The following OLFM2 variants were observed in gnomAD, a reference collection of about 807,000 sequenced individuals.
The protein encoded by OLFM2 is olfactomedin 2.
A neutral mutation model predicts 43.9 loss-of-function variants in OLFM2; 20 were observed. The ratio of observed to expected loss-of-function variants is 0.46; its 90% CI spans 0.32 to 0.66. The LOEUF is 0.66. Ranked by LOEUF, OLFM2 falls within the 30% of genes least tolerant of loss-of-function variation. OLFM2 has a pLI of 0.04. For synonymous variants in OLFM2, 268 were observed against 278.6 expected (o/e 0.96, Z 0.38); for missense variants, 416 against 643.6 (o/e 0.65, Z 3.83).
In OLFM2 at chr19:9,857,999, AC is replaced by A; in HGVS notation, c.214-139del. The A allele has an allele frequency of 9.4e-7, 1 of 1,062,222 alleles. No individual in the cohort carries two copies. Among genetic ancestry groups the A allele is most frequent in the Non-Finnish European group, 1.4e-6 (1 of 706,938 alleles). 65.8% of individuals were successfully genotyped at this position (1,062,222 alleles called of 1,614,324 possible). ...GGCCACCTTCTCCTCCCCTGAGCTT[AC>A]CAGCAGCCTCCCAATTGCGTGCCCA... On this transcript the variant is annotated intron_variant, in intron 2 of 5. Transcript: ENST00000264833. This position sits in a 1 kb window ranked among gnomAD's most constrained non-coding sequence, Gnocchi z 5.7.
chr19:9,854,969 G>T lies in OLFM2; in HGVS notation c.688-106C>A, dbSNP rs544720668. The stretch of plus-strand genomic sequence containing the variant: ...TTCAACAGTCACTAAGTGGTCATTA[G>T]TCATGGGAACTCTGTTGACCATTCA... On this transcript the variant is annotated intron_variant, in intron 5 of 5. Transcript: ENST00000264833. This position sits in a 1 kb window ranked among gnomAD's most constrained non-coding sequence, Gnocchi z 9.5. 4.7e-6 allele frequency: 4 copies of T among 842,218 alleles called. No homozygotes were observed. Among genetic ancestry groups the T allele is most frequent in the South Asian group, 1.8e-5 (1 of 55,160 alleles). 52.2% of individuals were successfully genotyped at this position (842,218 alleles called of 1,614,324 possible).
intron 1 of OLFM2, among the ~76,000 whole-genome samples, chr19:9,861,642 G>A (rs554184341): frequency 6.6e-6 from 1 of 152,330 alleles, no homozygotes; most frequent in East Asian, 1.9e-4. Flanking sequence ...GGAAAAGGAT[G>A]CTCTGTGGTC....
intron 1 of OLFM2, among the ~76,000 whole-genome samples, chr19:9,876,990 G>A (rs2145450025): frequency 6.6e-6 from 1 of 152,202 alleles, no homozygotes; most frequent in East Asian, 1.9e-4. Context: ...AACACTTTGG[G>A]AGGTCAAGGG....
At position 9,856,807 on chromosome 19, in the gene OLFM2, C is replaced by T. The variant is rs2145429451; in HGVS notation, c.687G>A (p.Arg229=). 2.5e-6 allele frequency: 4 copies of T among 1,612,516 alleles called. No individual in the cohort carries two copies. Among genetic ancestry groups the T allele is most frequent in the Non-Finnish European group, 3.4e-6 (4 of 1,179,392 alleles). Residue 229 remains arginine (R), a splice_region_variant and synonymous_variant, in exon 5 of 6, where the codon CGG becomes CGA. Transcript: ENST00000264833. This position sits in a 1 kb window ranked among gnomAD's most constrained non-coding sequence, Gnocchi z 4.0. ...TDTMAPSADS[R]VWYMDGYYKG... is the part of the protein sequence containing the mutation. ...CCCAGGGGTGGGCGCAGTCACTCAC[C>T]CGGCTATCCGCACTGGGGGCCATCG...
intron 1 of OLFM2, among the ~76,000 whole-genome samples, chr19:9,928,659 GC>G (rs2086466450): frequency 1.3e-5 from 2 of 151,768 alleles, no homozygotes; most frequent in South Asian, 4.2e-4. Context: ...ACAAAAACTA[GC>G]CAGGCATGGT....
chr19:9,923,367 C>G (rs912134593), intron 1 of OLFM2, among the ~76,000 whole-genome samples: 4 of 151,648 alleles, frequency 2.6e-5, no homozygotes, highest in Non-Finnish European at 4.4e-5. Context: ...CCAGCCTGGC[C>G]AACATGGTGA....
chr19:9,906,480 A>C (rs1396573527), intron 1 of OLFM2, among the ~76,000 whole-genome samples: 1 of 152,128 alleles, frequency 6.6e-6, no homozygotes, highest in Non-Finnish European at 1.5e-5. Context: ...GAGCGCGCCC[A>C]AGAGCTGCTC....
chr19:9,877,256 A>G (rs184439445), intron 1 of OLFM2, among the ~76,000 whole-genome samples: 17,536 of 130,056 alleles, frequency 0.13, 1,275 homozygotes, highest in Middle Eastern at 0.28. Context: ...AAATATGGCC[A>G]GGTGCGGTGG....
intron 1 of OLFM2, among the ~76,000 whole-genome samples, chr19:9,934,745 A>G (rs1414680444): frequency 6.6e-6 from 1 of 152,070 alleles, no homozygotes; most frequent in Non-Finnish European, 1.5e-5. Context: ...TATCCCACCC[A>G]GCGCGTGGGT....
intron 1 of OLFM2, among the ~76,000 whole-genome samples, chr19:9,883,209 CA>C (rs34232795): frequency 5.8e-5 from 8 of 137,288 alleles, no homozygotes; most frequent in African/African-American, 8.1e-5. Context: ...GACTCCATCT[CA>C]AAAAAAAAAA....
intron 1 of OLFM2, among the ~76,000 whole-genome samples, chr19:9,880,248 G>T (rs185559181): frequency 6.6e-6 from 1 of 152,150 alleles, no homozygotes; most frequent in Non-Finnish European, 1.5e-5. Context: ...GAGTCAGCAT[G>T]GGCAAAGGCA....
intron 1 of OLFM2, among the ~76,000 whole-genome samples, chr19:9,907,157 C>T (rs968784137): frequency 6.6e-6 from 1 of 152,142 alleles, no homozygotes; most frequent in African/African-American, 2.4e-5. Context: ...TTGGGGCCCT[C>T]AAGAGAGGTG....
chr19:9,936,092 C>A (rs2086512834), intron 1 of OLFM2, among the ~76,000 whole-genome samples: 2 of 150,782 alleles, frequency 1.3e-5, no homozygotes, highest in Admixed American at 6.6e-5. Flanking sequence ...CCCAAACCAG[C>A]CCAGCTTGAG....
intron 1 of OLFM2, among the ~76,000 whole-genome samples, chr19:9,863,698 C>A (rs1370045153): frequency 6.6e-6 from 1 of 151,844 alleles, no homozygotes; most frequent in Non-Finnish European, 1.5e-5. Flanking sequence ...ATCCCGGGGA[C>A]TCCAACTATT....
intron 1 of OLFM2, among the ~76,000 whole-genome samples, chr19:9,888,534 C>A (rs3075684): frequency 0.16 from 17,375 of 109,188 alleles, 1,191 homozygotes; most frequent in Middle Eastern, 0.22. Context: ...AAAAAAAAAA[C>A]AAAAAACAAA....
intron 1 of OLFM2, among the ~76,000 whole-genome samples, chr19:9,904,151 T>TG (rs1491574997): frequency 3.7e-4 from 49 of 133,390 alleles, no homozygotes; most frequent in East Asian, 1.3e-3. Flanking sequence ...CTGAGTATTG[T>TG]TTGTGTGTGT....
rs117571267 is a variant in OLFM2 at position 9,920,629 on chromosome 19, C to T, written c.63+15675G>A. ...TTTCTTCTGGGGCTAGGCGCGGTGG[C>T]TCATGCCTGTAATCCCAGCACTTTG... On this transcript the variant is annotated intron_variant, in intron 1 of 5. Coordinates refer to ENST00000264833, the MANE Select transcript of OLFM2 (RefSeq NM_058164.4). 4.2e-3 allele frequency among the ~76,000 whole-genome samples: 640 copies of T among 152,008 alleles called. 3 individuals carry two copies. Among genetic ancestry groups the T allele is most frequent in the East Asian group, 0.036 (186 of 5,162 alleles).
chr19:9,898,361 A>C (rs2046704768), intron 1 of OLFM2, among the ~76,000 whole-genome samples: 1 of 151,648 alleles, frequency 6.6e-6, no homozygotes, highest in Non-Finnish European at 1.5e-5. Context: ...TTCTCTACTA[A>C]AAATGCAAAT....
At chr19:9,872,112 CAG>C (rs2046447328) in intron 1 of OLFM2, among the ~76,000 whole-genome samples, 2 of 152,162 alleles carry the variant, frequency 1.3e-5, no homozygotes, top group Admixed American at 1.3e-4. Flanking sequence ...TGAGCCGTGA[CAG>C]GGGGCCACGT....
Sources: gnomAD v4.1 joint callset for allele counts (sites outside exome capture counted in the v4.1 genomes callset) on GRCh38, gnomAD v4.1.1 for gene constraint, Gnocchi (gnomAD v3.1) non-coding constraint, MANE v1.5 for transcripts, NCBI Gene and HGNC (gene_info 2026-07-23, HGNC 2026-07-21) for gene names.